The following RPH3A variants were observed in gnomAD, a reference collection of about 807,000 sequenced individuals.
RPH3A encodes rabphilin 3A.
In RPH3A, 48 loss-of-function variants were observed where a neutral mutation model predicts 102.2. The ratio of observed to expected loss-of-function variants is 0.47; its 90% CI spans 0.37 to 0.60. RPH3A has a LOEUF of 0.60. Among genes scored for constraint, RPH3A ranks in the 20% least tolerant of loss-of-function variants. The pLI is 0.00. For missense variants in RPH3A, 781 were observed against 910.1 expected, an observed-to-expected ratio of 0.86 and a Z score of 1.83; for synonymous variants, 310 against 324.3, an observed-to-expected ratio of 0.96 and a Z score of 0.47.
intron 1 of RPH3A, among the ~76,000 whole-genome samples, chr12:112,619,562 C>T (rs576884454): frequency 4.6e-5 from 7 of 152,198 alleles, no homozygotes; most frequent in Non-Finnish European, 1.0e-4. Context: ...GGATTACAGG[C>T]GTGAGCTACC....
intron 1 of RPH3A, among the ~76,000 whole-genome samples, chr12:112,770,346 T>TGTTTTGTTTC (rs2040919345): frequency 6.6e-6 from 1 of 151,902 alleles, no homozygotes; most frequent in South Asian, 2.1e-4. Context: ...CTTTTTTGTT[T>TGTTTTGTTTC]GTTTTGTTTT....
At chr12:112,663,059 G>GGTGT (rs60392620) in intron 1 of RPH3A, among the ~76,000 whole-genome samples, 3,435 of 140,618 alleles carry the variant, frequency 0.024, 54 homozygotes, top group East Asian at 0.035. Flanking sequence ...CTAAGTGATT[G>GGTGT]GTGTGTGTGT....
At chr12:112,809,630 T>A (rs2041533738) in intron 2 of RPH3A, among the ~76,000 whole-genome samples, 1 of 152,054 alleles carries the variant, frequency 6.6e-6, no homozygotes, top group Non-Finnish European at 1.5e-5. Flanking sequence ...TTCATCCCCT[T>A]CTCCCACTAG....
chr12:112,745,262 T>C (rs759243655), intron 1 of RPH3A, among the ~76,000 whole-genome samples: 1 of 152,208 alleles, frequency 6.6e-6, no homozygotes, highest in Non-Finnish European at 1.5e-5. Context: ...GCACCTGCTA[T>C]TGGTTTGTCT....
chr12:112,670,687 T>G (rs1047311515), intron 1 of RPH3A, among the ~76,000 whole-genome samples: 2 of 152,142 alleles, frequency 1.3e-5, no homozygotes, highest in African/African-American at 4.8e-5. Context: ...CTAGGTGATA[T>G]AGGATGATTT....
intron 19 of RPH3A, among the ~76,000 whole-genome samples, chr12:112,892,402 G>A (rs2043112777): frequency 6.6e-6 from 1 of 152,216 alleles, no homozygotes; most frequent in African/African-American, 2.4e-5. Flanking sequence ...CCCCTGTGGA[G>A]CAGAGAAGGA....
chr12:112,632,656 G>T (rs1364132628), intron 1 of RPH3A, among the ~76,000 whole-genome samples: 1 of 152,152 alleles, frequency 6.6e-6, no homozygotes, highest in African/African-American at 2.4e-5. Context: ...ATACCACAAA[G>T]GCGTTTTTGT....
chr12:112,649,708 C>T (rs1350371307), intron 1 of RPH3A, among the ~76,000 whole-genome samples: 1 of 152,198 alleles, frequency 6.6e-6, no homozygotes, highest in African/African-American at 2.4e-5. Context: ...GTTACGGCTG[C>T]CATAACAAAA....
chr12:112,781,745 T>C (rs755504824), intron 1 of RPH3A, among the ~76,000 whole-genome samples: 2 of 152,254 alleles, frequency 1.3e-5, no homozygotes, highest in Non-Finnish European at 2.9e-5. Flanking sequence ...ATTTATTCTG[T>C]GCCAGGCTAT....
chr12:112,652,329 T>C (rs2135997924), intron 1 of RPH3A, among the ~76,000 whole-genome samples: 1 of 152,082 alleles, frequency 6.6e-6, no homozygotes, highest in African/African-American at 2.4e-5. Flanking sequence ...ATGAAAATAT[T>C]AGCTGGGTGT....
At chr12:112,809,007 C>T (rs567969614) in intron 2 of RPH3A, among the ~76,000 whole-genome samples, 20 of 152,222 alleles carry the variant, frequency 1.3e-4, no homozygotes, top group African/African-American at 4.6e-4. Flanking sequence ...TGGATGGGGT[C>T]CTTGCATTGA....
intron 1 of RPH3A, among the ~76,000 whole-genome samples, chr12:112,583,653 C>G (rs2039416489): frequency 6.6e-6 from 1 of 152,160 alleles, no homozygotes. Context: ...CTTGAGCAAA[C>G]TACATCCTAT....
chr12:112,652,299 G>A (rs1332101999), intron 1 of RPH3A, among the ~76,000 whole-genome samples: 2 of 151,880 alleles, frequency 1.3e-5, no homozygotes, highest in Admixed American at 1.3e-4. Context: ...AACATAGTGA[G>A]ACTCTGTCTG....
At chr12:112,721,146 G>A (rs1263630443) in intron 1 of RPH3A, among the ~76,000 whole-genome samples, 1 of 152,188 alleles carries the variant, frequency 6.6e-6, no homozygotes, top group Non-Finnish European at 1.5e-5. Flanking sequence ...CTGGCACACG[G>A]CAAGTGTTCA....
At chr12:112,796,198 A>G (rs1291033006) in intron 2 of RPH3A, among the ~76,000 whole-genome samples, 1 of 152,214 alleles carries the variant, frequency 6.6e-6, no homozygotes, top group African/African-American at 2.4e-5. Flanking sequence ...GAAGAATTCT[A>G]GGAGGAGAAG....
intron 1 of RPH3A, among the ~76,000 whole-genome samples, chr12:112,783,056 G>A (rs907913461): frequency 6.6e-6 from 1 of 152,140 alleles, no homozygotes; most frequent in Non-Finnish European, 1.5e-5. Flanking sequence ...CTAATCTGCT[G>A]CCTGAGAGAT....
At chr12:112,785,590 C>A (rs1370637355) in intron 1 of RPH3A, among the ~76,000 whole-genome samples, 1 of 152,164 alleles carries the variant, frequency 6.6e-6, no homozygotes, top group Non-Finnish European at 1.5e-5. Context: ...AGACATGGGG[C>A]TGCCTATGTG....
intron 1 of RPH3A, among the ~76,000 whole-genome samples, chr12:112,576,631 C>T (rs73193164): frequency 0.025 from 3,795 of 152,310 alleles, 76 homozygotes; most frequent in Middle Eastern, 0.041. Context: ...GCTGGGACTA[C>T]AGCATGAGGC....
chr12:112,831,545 A>G (rs1037232424), intron 3 of RPH3A, among the ~76,000 whole-genome samples: 5 of 150,616 alleles, frequency 3.3e-5, no homozygotes, highest in African/African-American at 7.3e-5. Flanking sequence ...AGACATTATT[A>G]TTTTATACTG....
Sources: allele counts gnomAD v4.1 joint callset (sites outside exome capture counted in the v4.1 genomes callset), GRCh38; gene constraint gnomAD v4.1.1; transcripts MANE v1.5; gene names NCBI Gene and HGNC (gene_info 2026-07-23, HGNC 2026-07-21).